Variants in EPHA5 observed in about 807,000 individuals in gnomAD.
The protein encoded by EPHA5 is ephrin type-A receptor 5.
EPHA5 carries 60 observed loss-of-function variants against 105.0 expected under a neutral mutation model. The observed-to-expected ratio is 0.57, with a 90% CI of 0.46 to 0.71. The LOEUF (loss-of-function observed/expected upper bound fraction) is 0.71, where lower values mean the gene tolerates loss of function less well. Ranked by LOEUF, EPHA5 falls within the 30% of genes least tolerant of loss-of-function variation. EPHA5 has a pLI of 0.00. For missense variants in EPHA5, 1,218 were observed against 1,274.7 expected (o/e 0.96, Z 0.68); for synonymous variants, 513 against 449.1 (o/e 1.14, Z -1.80).
rs559041167 is a variant in EPHA5 at position 65,607,508 on chromosome 4, A to G, written c.247-5204T>C. Among the ~76,000 whole-genome samples, 18 of 152,262 alleles carry G rather than the reference A, an allele frequency of 1.2e-4. No individual in the cohort carries two copies. In the East Asian group the frequency reaches 3.5e-3, roughly 29 times the overall value. ...CAAACAAACAAAAAAAAAAACATCA[A>G]AAAGTGGGCAAAGGATACGAACAGA... On this transcript the variant is annotated intron_variant, in intron 2 of 16. Transcript: ENST00000613740.
At chr4:65,395,276 A>T (rs951436033) in intron 8 of EPHA5, among the ~76,000 whole-genome samples, 1 of 152,198 alleles carries the variant, frequency 6.6e-6, no homozygotes, top group African/African-American at 2.4e-5. Context: ...TAAAAGTTTG[A>T]CTACTTATCA....
At position 65,410,397 on chromosome 4, in the gene EPHA5, T is replaced by C. The variant is rs551262001; in HGVS notation, c.1687+3887A>G. On this transcript the variant is annotated intron_variant, in intron 7 of 16. Coordinates refer to ENST00000613740, the MANE Select transcript of EPHA5 (RefSeq NM_001281766.3). Reference sequence around the variant, plus strand: ...ATACATAAACAGCAGATGAATGGTTTCCAGGGCTTAGTGATAACACATTTG... The same window carrying C: ...ATACATAAACAGCAGATGAATGGTTCCCAGGGCTTAGTGATAACACATTTG... 2.6e-5 allele frequency among the ~76,000 whole-genome samples: 4 copies of C among 152,304 alleles called. No individual in the cohort carries two copies. In the South Asian group the frequency reaches 8.3e-4, roughly 32 times the overall value.
At chr4:65,395,824 A>G (rs1721172593) in intron 8 of EPHA5, among the ~76,000 whole-genome samples, 1 of 152,246 alleles carries the variant, frequency 6.6e-6, no homozygotes, top group African/African-American at 2.4e-5. Flanking sequence ...TCATAGCATT[A>G]AACTCACATA....
chr4:65,538,694 A>T (rs1315960254), intron 3 of EPHA5, among the ~76,000 whole-genome samples: 1 of 151,702 alleles, frequency 6.6e-6, no homozygotes, highest in African/African-American at 2.4e-5. Context: ...AGCTAGGCAC[A>T]TAGCGATCCA....
intron 1 of EPHA5, among the ~76,000 whole-genome samples, chr4:65,667,318 T>C (rs1224971599): frequency 6.6e-6 from 1 of 152,196 alleles, no homozygotes; most frequent in Non-Finnish European, 1.5e-5. Context: ...GGTGGAAAGA[T>C]GGAAAACTGC....
chr4:65,373,752 C>T (rs1317276573), intron 8 of EPHA5, among the ~76,000 whole-genome samples: 8 of 151,914 alleles, frequency 5.3e-5, no homozygotes, highest in African/African-American at 1.9e-4. Flanking sequence ...TAGGTAAATG[C>T]ATAAAATAAG....
chr4:65,361,749 A>C (rs2148880459), intron 11 of EPHA5, among the ~76,000 whole-genome samples: 1 of 151,790 alleles, frequency 6.6e-6, no homozygotes, highest in Admixed American at 6.6e-5. Flanking sequence ...GATTCTTCTA[A>C]TGCTTCTGTA....
rs79078456 is a variant in EPHA5, at chr4:65,626,128, A to T, written c.246+17235T>A. On this transcript the variant is annotated intron_variant, in intron 2 of 16. Transcript: ENST00000613740. Reference sequence around the variant, plus strand: ...AAAAAAAAAAAAAAATGCACTTTTAAAAAATGTTAATTGAATATCACATAT... The same window carrying T: ...AAAAAAAAAAAAAAATGCACTTTTATAAAATGTTAATTGAATATCACATAT... Among the ~76,000 whole-genome samples, 414 of 152,160 alleles carry T rather than the reference A, an allele frequency of 2.7e-3. 2 individuals carry two copies. The highest frequency in any genetic ancestry group is 5.1e-3 in the Non-Finnish European group (346 of 67,986).
intron 2 of EPHA5, among the ~76,000 whole-genome samples, chr4:65,635,715 A>C (rs1747061258): frequency 6.6e-6 from 1 of 152,208 alleles, no homozygotes; most frequent in Non-Finnish European, 1.5e-5. Flanking sequence ...ACTTGATAAA[A>C]ATTTCCAGGG....
At chr4:65,613,015 A>G (rs779690806) in intron 2 of EPHA5, among the ~76,000 whole-genome samples, 2 of 152,114 alleles carry the variant, frequency 1.3e-5, no homozygotes, top group African/African-American at 2.4e-5. Flanking sequence ...CAGGTCATAC[A>G]TTTAAATCTA....
At chr4:65,613,054 C>T (rs551245719) in intron 2 of EPHA5, among the ~76,000 whole-genome samples, 126 of 151,996 alleles carry the variant, frequency 8.3e-4, no homozygotes, top group African/African-American at 2.8e-3. Context: ...TTTTAATAGA[C>T]AGTAGAAAAT....
chr4:65,490,341 C>A (rs1731275250), intron 5 of EPHA5, 36 bp downstream of exon 5: 1 of 1,570,908 alleles, frequency 6.4e-7, no homozygotes, highest in South Asian at 1.1e-5. Context: ...CAGAACTAGG[C>A]CTCACATACA....
At chr4:65,496,620 A>T (rs1020831743) in intron 3 of EPHA5, among the ~76,000 whole-genome samples, 3 of 151,382 alleles carry the variant, frequency 2.0e-5, no homozygotes, top group Non-Finnish European at 4.4e-5. Flanking sequence ...TTCTTAATCC[A>T]GTCTATCATT....
chr4:65,621,379 T>G (rs963396669), intron 2 of EPHA5, among the ~76,000 whole-genome samples: 2 of 152,172 alleles, frequency 1.3e-5, no homozygotes, highest in African/African-American at 4.8e-5. Flanking sequence ...ACAATCCTTT[T>G]GAATATGGAG....
intron 5 of EPHA5, among the ~76,000 whole-genome samples, chr4:65,442,509 C>T (rs1432394066): frequency 1.3e-5 from 2 of 152,138 alleles, no homozygotes; most frequent in Non-Finnish European, 2.9e-5. Context: ...CACAGTCTGC[C>T]TACAAAGATT....
chr4:65,473,199 AAGTCTCT>A (rs757615440), intron 5 of EPHA5, among the ~76,000 whole-genome samples: 43 of 152,046 alleles, frequency 2.8e-4, no homozygotes, highest in Admixed American at 7.9e-4. Flanking sequence ...AAAAACATTC[AAGTCTCT>A]AGGAAGTTCC....
At chr4:65,358,200 G>A (rs972364898) in intron 11 of EPHA5, among the ~76,000 whole-genome samples, 9 of 151,402 alleles carry the variant, frequency 5.9e-5, no homozygotes, top group Non-Finnish European at 1.2e-4. Context: ...GCTAAATATA[G>A]GCTTATTATT....
intron 11 of EPHA5, among the ~76,000 whole-genome samples, chr4:65,358,725 A>C (rs971139327): frequency 6.6e-6 from 1 of 151,566 alleles, no homozygotes; most frequent in Non-Finnish European, 1.5e-5. Flanking sequence ...TGTTGGGACA[A>C]GTCCTTTGTA....
chr4:65,502,168 A>G (rs933912481), intron 3 of EPHA5, among the ~76,000 whole-genome samples: 1 of 151,822 alleles, frequency 6.6e-6, no homozygotes, highest in Non-Finnish European at 1.5e-5. Flanking sequence ...AACATTAGGA[A>G]ACACCATTCT....
Sources: allele counts gnomAD v4.1 joint callset (sites outside exome capture counted in the v4.1 genomes callset), GRCh38; gene constraint gnomAD v4.1.1; transcripts MANE v1.5; gene names NCBI Gene and HGNC (gene_info 2026-07-23, HGNC 2026-07-21).